The following SPON1 variants were observed in gnomAD, a reference collection of about 807,000 sequenced individuals.
SPON1 encodes spondin 1.
In SPON1, 52 loss-of-function variants were observed where a neutral mutation model predicts 111.7. The observed-to-expected ratio is 0.47, with a 90% CI of 0.37 to 0.59. The LOEUF (loss-of-function observed/expected upper bound fraction) is 0.59, where lower values mean the gene tolerates loss of function less well. Ranked by LOEUF, SPON1 falls within the 20% of genes least tolerant of loss-of-function variation. The pLI, the probability that SPON1 is intolerant of heterozygous loss-of-function variation, is 0.00. For synonymous variants in SPON1, 410 were observed against 395.8 expected (o/e 1.04, Z -0.43); for missense variants, 957 against 1,068.5 (o/e 0.90, Z 1.46).
chr11:14,246,785 A>C (rs1848995446), intron 7 of SPON1, among the ~76,000 whole-genome samples: 1 of 152,234 alleles, frequency 6.6e-6, no homozygotes, highest in South Asian at 2.1e-4. Flanking sequence ...CTAAATGATC[A>C]CACAAATAAA....
Position 14,259,688 on chromosome 11 carries a change from G to A in SPON1, c.1818G>A (p.Met606Ile), listed in dbSNP as rs1554941713. Residue 606 changes from methionine (M) to isoleucine (I), a missense_variant, in exon 13 of 16, where the codon ATG becomes ATA. Transcript: ENST00000576479. The surrounding 1 kb of genome is among the most constrained non-coding windows in gnomAD (Gnocchi z 5.0). ...KAETSQAEKC[M>I]MPECHTIPCL... ...AGACATCACAGGCAGAGAAGTGCAT[G>A]ATGCCAGAGTGCCGTGAGTGAGAGC... 6.4e-7 allele frequency: 1 copy of A among 1,573,742 alleles called. No homozygotes were observed. Among genetic ancestry groups the A allele is most frequent in the African/African-American group, 1.3e-5 (1 of 74,138 alleles).
chr11:14,195,104 T>C (rs191912853), intron 6 of SPON1, among the ~76,000 whole-genome samples: 51 of 152,346 alleles, frequency 3.3e-4, no homozygotes, highest in Middle Eastern at 3.4e-3. Context: ...AATTACTAAG[T>C]AGCCAGAAAG....
chr11:14,157,275 ATGTCTTTATTT>A (rs1212426422), intron 6 of SPON1, among the ~76,000 whole-genome samples: 1 of 152,078 alleles, frequency 6.6e-6, no homozygotes, highest in Non-Finnish European at 1.5e-5. Context: ...TTATCTGAAA[ATGTCTTTATTT>A]TGTCTTTATT....
In SPON1 at chr11:14,262,736, G is replaced by A; in HGVS notation, c.2021G>A (p.Trp674Ter). ...GCCATTGACTGTGAGCTCACCGAGT[G>A]GTCCCAGTGGTCGGAATGTAACAAG... ...ECPIDCELTEWSQWSECNKSC... is the reference protein window; with the variant it reads ...ECPIDCELTE The change falls in exon 15 of 16, where the codon TGG becomes TAG. Residue 674 changes from tryptophan to a stop codon, truncating the protein, a stop_gained. Transcript: ENST00000576479. LOFTEE classifies it high-confidence loss of function. The A allele has an allele frequency of 6.2e-7, 1 of 1,613,950 alleles. No homozygotes were observed. Among genetic ancestry groups the A allele is most frequent in the Non-Finnish European group, 8.5e-7 (1 of 1,179,896 alleles).
chr11:14,153,298 G>T (rs1554930075), intron 6 of SPON1, among the ~76,000 whole-genome samples: 3 of 152,112 alleles, frequency 2.0e-5, no homozygotes, highest in Non-Finnish European at 2.9e-5. Flanking sequence ...CTGAGACTTG[G>T]TAACTTATAA....
chr11:14,248,687 T>C (rs1380616625), intron 7 of SPON1, among the ~76,000 whole-genome samples: 1 of 152,200 alleles, frequency 6.6e-6, no homozygotes, highest in African/African-American at 2.4e-5. Flanking sequence ...TGCCTCTCTT[T>C]GCTGAGCCTG....
intron 5 of SPON1, among the ~76,000 whole-genome samples, chr11:14,102,214 G>A (rs1373210401): frequency 2.0e-5 from 3 of 151,978 alleles, no homozygotes; most frequent in Non-Finnish European, 4.4e-5. Context: ...GTTCTCCAAA[G>A]CAATACTGTA....
chr11:14,110,640 A>G (rs944727446), intron 5 of SPON1, among the ~76,000 whole-genome samples: 9 of 152,216 alleles, frequency 5.9e-5, no homozygotes, highest in Non-Finnish European at 8.8e-5. Context: ...TCAAAGGCCC[A>G]AGGGCTCCTG....
intron 6 of SPON1, among the ~76,000 whole-genome samples, chr11:14,164,635 T>C (rs969853072): frequency 1.4e-4 from 21 of 152,226 alleles, no homozygotes; most frequent in Admixed American, 3.3e-4. Flanking sequence ...GCCCACTGCC[T>C]AGATAGCCGA....
At chr11:14,013,618 T>C (rs1348957314) in intron 2 of SPON1, among the ~76,000 whole-genome samples, 1 of 152,156 alleles carries the variant, frequency 6.6e-6, no homozygotes, top group African/African-American at 2.4e-5. Context: ...TAAATGTAGT[T>C]TTGAAAGTTG....
chr11:14,258,906 C>G (rs1554941537), intron 11 of SPON1, among the ~76,000 whole-genome samples: 1 of 152,188 alleles, frequency 6.6e-6, no homozygotes, highest in Admixed American at 6.5e-5. Flanking sequence ...AGGTCCTTAA[C>G]CTCCCCTTCC....
At chr11:14,067,500 TG>T (rs1334532524) in intron 3 of SPON1, among the ~76,000 whole-genome samples, 2 of 152,200 alleles carry the variant, frequency 1.3e-5, no homozygotes, top group African/African-American at 4.8e-5. Flanking sequence ...CCTTTCTTCA[TG>T]GTAGCAAAAT....
intron 5 of SPON1, among the ~76,000 whole-genome samples, chr11:14,113,766 C>G (rs1022593797): frequency 2.6e-5 from 4 of 151,590 alleles, no homozygotes; most frequent in Admixed American, 1.3e-4. Flanking sequence ...CCACGCCCGG[C>G]TAATTTTTTT....
chr11:14,174,975 A>G (rs1216591719), intron 6 of SPON1, among the ~76,000 whole-genome samples: 2 of 150,280 alleles, frequency 1.3e-5, no homozygotes, highest in African/African-American at 4.9e-5. Flanking sequence ...TATAGGAGTT[A>G]GAAGCTCTAC....
At chr11:14,039,385 C>T (rs1251409937) in intron 2 of SPON1, among the ~76,000 whole-genome samples, 1 of 152,008 alleles carries the variant, frequency 6.6e-6, no homozygotes, top group East Asian at 1.9e-4. Context: ...ACAAATGTAT[C>T]ATTCTGATAT....
At chr11:14,144,606 G>A (rs1847696215) in intron 6 of SPON1, among the ~76,000 whole-genome samples, 1 of 149,372 alleles carries the variant, frequency 6.7e-6, no homozygotes, top group South Asian at 2.1e-4. Flanking sequence ...CTCTAGCCTG[G>A]GTGACCGAGT....
chr11:14,036,483 G>A (rs1554916649), intron 2 of SPON1, among the ~76,000 whole-genome samples: 1 of 152,176 alleles, frequency 6.6e-6, no homozygotes, highest in East Asian at 1.9e-4. Flanking sequence ...GTAGGACCAG[G>A]TTAGAGGAAA....
intron 1 of SPON1, among the ~76,000 whole-genome samples, chr11:13,982,355 C>G (rs1848151158): frequency 6.6e-6 from 1 of 152,124 alleles, no homozygotes; most frequent in Non-Finnish European, 1.5e-5. Flanking sequence ...ATAAAGCTGA[C>G]TTAACTGCAA....
intron 6 of SPON1, among the ~76,000 whole-genome samples, chr11:14,199,236 C>T (rs1315620765): frequency 6.6e-6 from 1 of 152,162 alleles, no homozygotes; most frequent in Non-Finnish European, 1.5e-5. Flanking sequence ...AGGGCACTAG[C>T]TTTCAATGTA....
Sources: allele counts gnomAD v4.1 joint callset (sites outside exome capture counted in the v4.1 genomes callset), GRCh38; gene constraint gnomAD v4.1.1; non-coding constraint Gnocchi (gnomAD v3.1); transcripts MANE v1.5; gene names NCBI Gene and HGNC (gene_info 2026-07-23, HGNC 2026-07-21).